GNAQ: variants seen among roughly 807,000 people sequenced by gnomAD.
GNAQ encodes the protein guanine nucleotide-binding protein G(q) subunit alpha.
Under a neutral mutation model 43.9 loss-of-function variants are expected in GNAQ, and 8 were observed. The observed-to-expected ratio is 0.18, with a 90% CI of 0.11 to 0.33. The LOEUF is 0.33. GNAQ is among the 10% of genes least tolerant of loss of function. The pLI is 1.00. For synonymous variants in GNAQ, 155 were observed against 170.7 expected, an observed-to-expected ratio of 0.91 and a Z score of 0.71; for missense variants, 158 against 450.8, an observed-to-expected ratio of 0.35 and a Z score of 5.88.
At chr9:78,004,152 G>A (rs1190695065) in intron 1 of GNAQ, among the ~76,000 whole-genome samples, 2 of 151,626 alleles carry the variant, frequency 1.3e-5, no homozygotes, top group East Asian at 1.9e-4. Flanking sequence ...CACCCGAGAA[G>A]CCAAAGGTGG....
intron 6 of GNAQ, among the ~76,000 whole-genome samples, chr9:77,723,256 A>AATATGGAGAGATTTGT (rs1825346663): frequency 6.6e-6 from 1 of 152,238 alleles, no homozygotes; most frequent in African/African-American, 2.4e-5. Flanking sequence ...GGTTTGGGAA[A>AATATGGAGAGATTTGT]ATATGGAGAG....
chr9:77,894,335 A>ACAT (rs1828454011), intron 2 of GNAQ, among the ~76,000 whole-genome samples: 1 of 140,894 alleles, frequency 7.1e-6, no homozygotes, highest in African/African-American at 2.6e-5. Flanking sequence ...TAGAAAATAT[A>ACAT]TATTATATAT....
intron 3 of GNAQ, among the ~76,000 whole-genome samples, chr9:77,815,085 G>A (rs1013639407): frequency 3.3e-5 from 5 of 152,098 alleles, no homozygotes; most frequent in African/African-American, 7.2e-5. Context: ...AAATTTTCAC[G>A]CAAAGGAAAA....
chr9:77,955,426 C>T (rs1823029664), intron 1 of GNAQ, among the ~76,000 whole-genome samples: 1 of 152,198 alleles, frequency 6.6e-6, no homozygotes, highest in African/African-American at 2.4e-5. Flanking sequence ...CAGGCGTGAG[C>T]CACTGCGCCG....
chr9:77,876,831 G>T (rs1342868090), intron 2 of GNAQ, among the ~76,000 whole-genome samples: 1 of 152,148 alleles, frequency 6.6e-6, no homozygotes, highest in Non-Finnish European at 1.5e-5. Context: ...TTAAAAACTG[G>T]AGAACTGTAG....
chr9:77,880,487 C>T (rs112671873), intron 2 of GNAQ, among the ~76,000 whole-genome samples: 110 of 151,956 alleles, frequency 7.2e-4, no homozygotes, highest in African/African-American at 2.6e-3. Flanking sequence ...ATCAAGCGAC[C>T]CTCCCACCTC....
intron 2 of GNAQ, among the ~76,000 whole-genome samples, chr9:77,918,682 T>C (rs567110741): frequency 2.0e-5 from 3 of 152,228 alleles, no homozygotes; most frequent in African/African-American, 7.2e-5. Context: ...GCAAATTCCT[T>C]CTTCTGATCA....
At chr9:77,849,398 T>C (rs1056055543) in intron 2 of GNAQ, among the ~76,000 whole-genome samples, 2 of 152,136 alleles carry the variant, frequency 1.3e-5, no homozygotes, top group Non-Finnish European at 2.9e-5. Flanking sequence ...GACAAAGCCT[T>C]GATACTGGAG....
rs1376544896 is a variant in GNAQ, at chr9:77,720,580, G to T, written c.*743C>A. The stretch of plus-strand genomic sequence containing the variant: ...TGGCATTTCAAAAGAAAGGACTCCT[G>T]TGTGTCTTTGATCCTGCCTTCTGCA... On this transcript the variant is annotated 3_prime_UTR_variant, in exon 7 of 7. Coordinates refer to ENST00000286548, the MANE Select transcript of GNAQ (RefSeq NM_002072.5). 4.3e-6 allele frequency: 1 copy of T among 233,280 alleles called. No homozygotes were observed. Among genetic ancestry groups the T allele is most frequent in the East Asian group, 6.0e-5 (1 of 16,580 alleles). 14.5% of individuals were successfully genotyped at this position (233,280 alleles called of 1,614,324 possible).
At chr9:77,982,408 A>G (rs899824890) in intron 1 of GNAQ, among the ~76,000 whole-genome samples, 6 of 152,222 alleles carry the variant, frequency 3.9e-5, no homozygotes, top group Admixed American at 3.3e-4. Context: ...TCAGTCAATT[A>G]TGGGAATAAT....
intron 1 of GNAQ, among the ~76,000 whole-genome samples, chr9:77,949,192 C>T (rs1403986319): frequency 3.9e-5 from 6 of 152,156 alleles, no homozygotes; most frequent in Non-Finnish European, 2.9e-5. Context: ...TATGTGAACC[C>T]AGGACACCAC....
intron 2 of GNAQ, among the ~76,000 whole-genome samples, chr9:77,827,552 C>T (rs558389557): frequency 6.6e-6 from 1 of 152,000 alleles, no homozygotes; most frequent in South Asian, 2.1e-4. Flanking sequence ...GAGCTACAGC[C>T]AGTGTCTGAT....
intron 2 of GNAQ, among the ~76,000 whole-genome samples, chr9:77,903,628 G>T (rs1195637358): frequency 6.6e-6 from 1 of 152,106 alleles, no homozygotes; most frequent in African/African-American, 2.4e-5. Context: ...TCTCCTGTGG[G>T]AAGCTGAGAG....
chr9:77,877,282 C>A (rs1828140455), intron 2 of GNAQ, among the ~76,000 whole-genome samples: 1 of 152,134 alleles, frequency 6.6e-6, no homozygotes, highest in South Asian at 2.1e-4. Flanking sequence ...TAGAAACTAT[C>A]ATTATAAGGG....
At chr9:77,796,334 G>C (rs191861473) in intron 4 of GNAQ, among the ~76,000 whole-genome samples, 1 of 152,262 alleles carries the variant, frequency 6.6e-6, no homozygotes, top group Admixed American at 6.5e-5. Flanking sequence ...AGTGACACAG[G>C]AGATAATAAC....
At chr9:78,026,280 G>C (rs1823978826) in intron 1 of GNAQ, among the ~76,000 whole-genome samples, 1 of 152,172 alleles carries the variant, frequency 6.6e-6, no homozygotes, top group South Asian at 2.1e-4. Context: ...TGGAGATCCA[G>C]ACGATGAATC....
At chr9:77,776,746 A>T (rs751309911) in intron 5 of GNAQ, among the ~76,000 whole-genome samples, 6 of 152,170 alleles carry the variant, frequency 3.9e-5, no homozygotes, top group Non-Finnish European at 8.8e-5. Context: ...GCTAACATAT[A>T]TCAATAGAAC....
chr9:77,793,742 A>G (rs1826613445), intron 5 of GNAQ, among the ~76,000 whole-genome samples: 1 of 152,082 alleles, frequency 6.6e-6, no homozygotes, highest in South Asian at 2.1e-4. Flanking sequence ...TCAGAAGTAC[A>G]GATTTCTACA....
chr9:78,031,035 C>T (rs997328445), intron 1 of GNAQ, 65 bp downstream of exon 1: 159 of 1,207,852 alleles, frequency 1.3e-4, no homozygotes, highest in Non-Finnish European at 1.7e-4. Context: ...AGGCAGCTGC[C>T]CCGCAGGGCC....
Sources: allele counts gnomAD v4.1 joint callset (sites outside exome capture counted in the v4.1 genomes callset), GRCh38; gene constraint gnomAD v4.1.1; transcripts MANE v1.5; gene names NCBI Gene and HGNC (gene_info 2026-07-23, HGNC 2026-07-21).